The following LIPH variants were observed in gnomAD, a reference collection of about 807,000 sequenced individuals.
LIPH encodes the protein lipase H.
Under a neutral mutation model 47.6 loss-of-function variants are expected in LIPH, and 32 were observed. The ratio of observed to expected loss-of-function variants is 0.67; its 90% CI spans 0.51 to 0.90. The LOEUF (loss-of-function observed/expected upper bound fraction) is 0.90. Ranked by LOEUF, LIPH falls within the 40% of genes least tolerant of loss-of-function variation. LIPH has a pLI of 0.00. For missense variants in LIPH, 497 were observed against 541.4 expected, an observed-to-expected ratio of 0.92 and a Z score of 0.81; for synonymous variants, 190 against 195.6, an observed-to-expected ratio of 0.97 and a Z score of 0.24.
rs57388442 is a variant in LIPH, at chr3:185,517,438, G to T, written c.887-276C>A. Among the ~76,000 whole-genome samples, 14,546 of 152,188 alleles carry T rather than the reference G, an allele frequency of 0.096. 1,280 individuals carry two copies. Among genetic ancestry groups the T allele is most frequent in the African/African-American group, 0.24 (9,879 of 41,482 alleles). On this transcript the variant is annotated intron_variant, in intron 6 of 9. Coordinates refer to ENST00000296252, the MANE Select transcript of LIPH (RefSeq NM_139248.3). ...GAGGTGTGGGGTGTGGCACACACTG[G>T]TGTGGACTAAAAATAACACTGACAT... is the stretch of plus-strand genomic sequence containing the variant.
chr3:185,547,872 C>T (rs1720927787), intron 1 of LIPH, among the ~76,000 whole-genome samples: 1 of 151,712 alleles, frequency 6.6e-6, no homozygotes, highest in Non-Finnish European at 1.5e-5. Context: ...TTTACTGAGA[C>T]CCAGATAAAG....
intron 3 of LIPH, among the ~76,000 whole-genome samples, chr3:185,529,968 A>AAGAG (rs1208471289): frequency 1.8e-5 from 1 of 57,066 alleles, no homozygotes; most frequent in African/African-American, 5.1e-5. Flanking sequence ...GAAAGAAGGA[A>AAGAG]AGAAAGAAAG....
At chr3:185,542,272 A>T (rs1041490017) in intron 1 of LIPH, among the ~76,000 whole-genome samples, 2 of 151,598 alleles carry the variant, frequency 1.3e-5, no homozygotes, top group African/African-American at 4.8e-5. Context: ...GAACACTTAG[A>T]TGACAGTCAC....
intron 5 of LIPH, among the ~76,000 whole-genome samples, chr3:185,519,573 C>T (rs1052264522): frequency 7.2e-5 from 11 of 152,110 alleles, no homozygotes; most frequent in Admixed American, 4.6e-4. Flanking sequence ...CAGTGGCTCA[C>T]GCCTGTAATC....
intron 1 of LIPH, among the ~76,000 whole-genome samples, chr3:185,540,001 T>A (rs538121414): frequency 6.6e-6 from 1 of 152,336 alleles, no homozygotes; most frequent in Admixed American, 6.5e-5. Flanking sequence ...GCTCAAGGAC[T>A]CCCCATCAGT....
chr3:185,528,815 G>C (rs896649718), intron 3 of LIPH, among the ~76,000 whole-genome samples: 1 of 151,930 alleles, frequency 6.6e-6, no homozygotes, highest in African/African-American at 2.4e-5. Flanking sequence ...GAAGCAGCTG[G>C]AAAAACAGGA....
At chr3:185,533,716 G>C in intron 2 of LIPH, 37 bp from the exon 3 acceptor site, 1 of 1,322,824 alleles carries the variant, frequency 7.6e-7, no homozygotes, top group Non-Finnish European at 1.1e-6. Flanking sequence ...TAAATTGTAA[G>C]GGGCCAAGGA....
chr3:185,548,426 A>AC (rs1210058982), intron 1 of LIPH, among the ~76,000 whole-genome samples: 1 of 151,006 alleles, frequency 6.6e-6, no homozygotes. Flanking sequence ...AAAAAAAACA[A>AC]CAAAAAAAAA....
At chr3:185,520,038 C>T (rs867509683) in intron 5 of LIPH, among the ~76,000 whole-genome samples, 9 of 151,882 alleles carry the variant, frequency 5.9e-5, no homozygotes, top group African/African-American at 1.9e-4. Context: ...CAAACACTGT[C>T]CCCTGTCTTC....
In LIPH at chr3:185,546,968, G is replaced by A. The variant is rs561181226; in HGVS notation, c.49+5455C>T. 13 of 441,418 alleles carry A rather than the reference G, an allele frequency of 2.9e-5. No individual in the cohort carries two copies. The East Asian group carries it at 5.6e-4, about 19-fold the overall frequency. 27.3% of individuals were successfully genotyped at this position (441,418 alleles called of 1,614,324 possible). On this transcript the variant is annotated intron_variant, in intron 1 of 9. Coordinates refer to ENST00000296252, the MANE Select transcript of LIPH (RefSeq NM_139248.3). ...GAGACTCCTCATTCATATCCAAAGAGGCATCTGTGAAAAAAGAAGACAGAA... is the reference window on the plus strand; with the variant it reads ...GAGACTCCTCATTCATATCCAAAGAAGCATCTGTGAAAAAAGAAGACAGAA...
At chr3:185,544,340 T>A (rs531278930) in intron 1 of LIPH, among the ~76,000 whole-genome samples, 1 of 147,762 alleles carries the variant, frequency 6.8e-6, no homozygotes, top group Non-Finnish European at 1.5e-5. Flanking sequence ...TCCTCTGTTG[T>A]TTTTTTTTGT....
chr3:185,536,293 T>C (rs1720501028), intron 1 of LIPH, among the ~76,000 whole-genome samples: 7 of 152,020 alleles, frequency 4.6e-5, no homozygotes, highest in Admixed American at 4.6e-4. Flanking sequence ...ATGATGAGTA[T>C]CTTCTGTAAG....
intron 1 of LIPH, among the ~76,000 whole-genome samples, chr3:185,543,771 T>C (rs771078470): frequency 6.6e-6 from 1 of 152,132 alleles, no homozygotes; most frequent in Non-Finnish European, 1.5e-5. Context: ...GTTTTAGTTC[T>C]ATAAAGTACA....
intron 9 of LIPH, among the ~76,000 whole-genome samples, chr3:185,511,243 T>C (rs961615013): frequency 6.6e-6 from 1 of 151,906 alleles, no homozygotes; most frequent in Non-Finnish European, 1.5e-5. Flanking sequence ...TTTTTTCTTT[T>C]TTTGTAGAGA....
intron 3 of LIPH, among the ~76,000 whole-genome samples, chr3:185,528,620 G>A (rs1365208836): frequency 6.6e-6 from 1 of 152,110 alleles, no homozygotes; most frequent in Non-Finnish European, 1.5e-5. Context: ...TGGTTTCACT[G>A]CCCTGAGTTT....
At chr3:185,544,972 T>A (rs1720825174) in intron 1 of LIPH, among the ~76,000 whole-genome samples, 1 of 152,176 alleles carries the variant, frequency 6.6e-6, no homozygotes, top group African/African-American at 2.4e-5. Flanking sequence ...TCTAAAGGCA[T>A]CAGATACTTG....
chr3:185,519,203 A>G lies in LIPH; in HGVS notation c.825T>C (p.Asp275=). 1 of 1,613,762 alleles carries G rather than the reference A, an allele frequency of 6.2e-7. No individual in the cohort carries two copies. Among genetic ancestry groups the G allele is most frequent in the Non-Finnish European group, 8.5e-7 (1 of 1,179,716 alleles). ...AGCTGACACACTTGCCATTCCTATA[A>G]TCCTGGTAGGAGTCACAGGGATACG... ...ITAYPCDSYQ[D]YRNGKCVSCG... is the part of the protein sequence containing the mutation. Residue 275 remains aspartate, a synonymous_variant, in exon 6 of 10, where the codon GAT becomes GAC. Coordinates refer to ENST00000296252, the MANE Select transcript of LIPH (RefSeq NM_139248.3).
chr3:185,533,541 A>C, intron 3 of LIPH, 30 bp downstream of exon 3: 2 of 1,460,956 alleles, frequency 1.4e-6, no homozygotes, highest in Non-Finnish European at 1.9e-6. Context: ...TGCCCAGGCT[A>C]CCAACCCATG....
At chr3:185,548,430 A>C (rs1483998954) in intron 1 of LIPH, among the ~76,000 whole-genome samples, 16 of 151,326 alleles carry the variant, frequency 1.1e-4, no homozygotes, top group African/African-American at 2.7e-4. Flanking sequence ...AAAACAACAA[A>C]AAAAAACTCA....
Sources: allele counts gnomAD v4.1 joint callset (sites outside exome capture counted in the v4.1 genomes callset), GRCh38; gene constraint gnomAD v4.1.1; transcripts MANE v1.5; gene names NCBI Gene and HGNC (gene_info 2026-07-23, HGNC 2026-07-21).